GPC5: variants seen among roughly 807,000 people sequenced by gnomAD.
The protein encoded by GPC5 is glypican-5.
A neutral mutation model predicts 53.9 loss-of-function variants in GPC5; 47 were observed. That is an observed-to-expected ratio of 0.87 (90% CI 0.69 to 1.11). The LOEUF (loss-of-function observed/expected upper bound fraction) is 1.11, where lower values mean the gene tolerates loss of function less well. GPC5 is among the 50% of genes most tolerant of loss of function. The pLI, the probability that GPC5 is intolerant of heterozygous loss-of-function variation, is 0.00. For missense variants in GPC5, 748 were observed against 713.1 expected (o/e 1.05, Z -0.56); for synonymous variants, 286 against 263.3 (o/e 1.09, Z -0.84).
At chr13:91,728,494 C>T (rs201216345) in intron 3 of GPC5, 38 bp from the exon 4 acceptor site, 170 of 1,588,814 alleles carry the variant, frequency 1.1e-4, no homozygotes, top group Middle Eastern at 1.7e-4. Context: ...AGGTGGAGTA[C>T]GATTTCTAAC....
intron 2 of GPC5, among the ~76,000 whole-genome samples, chr13:91,584,124 T>G (rs2032472701): frequency 1.3e-5 from 2 of 152,178 alleles, no homozygotes. Flanking sequence ...GATGGCCATC[T>G]GCAAGCGAAA....
intron 7 of GPC5, among the ~76,000 whole-genome samples, chr13:92,337,144 C>T (rs1449382976): frequency 6.7e-6 from 1 of 150,040 alleles, no homozygotes; most frequent in Non-Finnish European, 1.5e-5. Context: ...CTCTAGTGAA[C>T]AAATGTAATT....
At chr13:92,777,335 C>CAAAAAA (rs71202561) in intron 7 of GPC5, among the ~76,000 whole-genome samples, 2 of 63,456 alleles carry the variant, frequency 3.2e-5, no homozygotes, top group Admixed American at 1.7e-4. Context: ...GACTCCATCT[C>CAAAAAA]AAAAAAAAAA....
intron 6 of GPC5, among the ~76,000 whole-genome samples, chr13:92,008,300 G>T (rs1157822830): frequency 1.3e-5 from 2 of 152,044 alleles, no homozygotes; most frequent in African/African-American, 4.8e-5. Flanking sequence ...CTGACCTCGT[G>T]ATCCGCCCGC....
intron 7 of GPC5, among the ~76,000 whole-genome samples, chr13:92,558,066 A>G (rs1594303186): frequency 6.6e-6 from 1 of 152,042 alleles, no homozygotes; most frequent in African/African-American, 2.4e-5. Flanking sequence ...AGATTTATTT[A>G]CATCATCAAT....
At position 92,592,940 on chromosome 13, in the gene GPC5, C is replaced by T. The variant is rs186513356; in HGVS notation, c.1562-273342C>T. 6.4e-4 allele frequency among the ~76,000 whole-genome samples: 97 copies of T among 150,990 alleles called. 2 individuals carry two copies. The highest frequency in any genetic ancestry group is 1.2e-3 in the Non-Finnish European group (84 of 67,528). Reference sequence around the variant, plus strand: ...ATTTCAGACTTCCCCCAAGGAAAGGCGTTGAGATACTTTCACTACAGCAGG... The same window carrying T: ...ATTTCAGACTTCCCCCAAGGAAAGGTGTTGAGATACTTTCACTACAGCAGG... On this transcript the variant is annotated intron_variant, in intron 7 of 7. Coordinates refer to ENST00000377067, the MANE Select transcript of GPC5 (RefSeq NM_004466.6).
chr13:92,196,986 C>T (rs1220694012), intron 7 of GPC5, among the ~76,000 whole-genome samples: 2 of 152,100 alleles, frequency 1.3e-5, no homozygotes, highest in Admixed American at 1.3e-4. Flanking sequence ...GAAAACGGTA[C>T]ACTGGAAACA....
intron 7 of GPC5, among the ~76,000 whole-genome samples, chr13:92,669,640 A>G (rs1886682651): frequency 6.6e-6 from 1 of 152,008 alleles, no homozygotes; most frequent in Non-Finnish European, 1.5e-5. Flanking sequence ...CAGCAGTTGA[A>G]TCCATTTCCT....
intron 5 of GPC5, among the ~76,000 whole-genome samples, chr13:91,805,861 C>T (rs2138789389): frequency 6.6e-6 from 1 of 152,036 alleles, no homozygotes; most frequent in East Asian, 1.9e-4. Flanking sequence ...ATATAAAGTA[C>T]CAGAGTTTTG....
At chr13:92,385,451 TACATATATAC>T (rs1566567555) in intron 7 of GPC5, among the ~76,000 whole-genome samples, 8 of 128,260 alleles carry the variant, frequency 6.2e-5, no homozygotes, top group South Asian at 2.4e-4. Context: ...TATACATATA[TACATATATAC>T]ACATATATAC....
intron 1 of GPC5, among the ~76,000 whole-genome samples, chr13:91,414,454 A>T (rs1005732997): frequency 2.0e-5 from 3 of 152,198 alleles, no homozygotes; most frequent in African/African-American, 7.2e-5. Context: ...AGCAGTATGA[A>T]AATTGACTAA....
chr13:92,159,593 CTTTTTTTTT>C (rs71120074), intron 7 of GPC5, among the ~76,000 whole-genome samples: 6 of 57,218 alleles, frequency 1.0e-4, no homozygotes, highest in African/African-American at 3.2e-4. Context: ...TACCAATGTT[CTTTTTTTTT>C]TTTTTTTTTT....
In GPC5 at chr13:92,113,826, C is replaced by CA. The variant is rs199588365; in HGVS notation, c.1402-30996dup. 7.7e-3 allele frequency among the ~76,000 whole-genome samples: 1,109 copies of CA among 143,510 alleles called. 16 individuals carry two copies. The highest frequency in any genetic ancestry group is 0.024 in the African/African-American group (927 of 38,482). 94.1% of individuals were successfully genotyped at this position (143,510 alleles called of 152,430 possible). On this transcript the variant is annotated intron_variant, in intron 6 of 7. Coordinates refer to ENST00000377067, the MANE Select transcript of GPC5 (RefSeq NM_004466.6). ...TTAAATAAGTATAAAGAAGAATTAA[C>CA]AAAAAAAACAAAAAAAAGCCACTTG...
At chr13:91,670,329 A>G (rs996727250) in intron 2 of GPC5, among the ~76,000 whole-genome samples, 2 of 152,192 alleles carry the variant, frequency 1.3e-5, no homozygotes, top group East Asian at 3.8e-4. Flanking sequence ...TTCAGTGTTG[A>G]GTCTACTGCG....
chr13:91,429,813 T>A (rs1186434489), intron 1 of GPC5, among the ~76,000 whole-genome samples: 3 of 152,218 alleles, frequency 2.0e-5, no homozygotes, highest in Non-Finnish European at 4.4e-5. Context: ...TTTATTTTCA[T>A]CGAAGCAGTT....
chr13:91,543,420 C>A (rs1015726599), intron 2 of GPC5, among the ~76,000 whole-genome samples: 5 of 152,082 alleles, frequency 3.3e-5, no homozygotes, highest in African/African-American at 7.2e-5. Context: ...TTTTACATGT[C>A]TTTTAAGCTA....
intron 1 of GPC5, among the ~76,000 whole-genome samples, chr13:91,427,101 C>T (rs1879109272): frequency 6.6e-6 from 1 of 152,182 alleles, no homozygotes; most frequent in Non-Finnish European, 1.5e-5. Flanking sequence ...AAATGGAGCC[C>T]TCGTGGAGAA....
chr13:91,709,336 C>A (rs912639586), intron 3 of GPC5, among the ~76,000 whole-genome samples: 7 of 152,156 alleles, frequency 4.6e-5, no homozygotes, highest in Non-Finnish European at 1.0e-4. Context: ...TTTATACTGA[C>A]CTTTAGTACT....
intron 7 of GPC5, among the ~76,000 whole-genome samples, chr13:92,829,041 C>T (rs9523812): frequency 0.2 from 30,130 of 152,058 alleles, 3,683 homozygotes; most frequent in Non-Finnish European, 0.28. Context: ...TGCACCCTCC[C>T]GAGACGTTTA....
Sources: gnomAD v4.1 joint callset for allele counts (sites outside exome capture counted in the v4.1 genomes callset) on GRCh38, gnomAD v4.1.1 for gene constraint, MANE v1.5 for transcripts, NCBI Gene and HGNC (gene_info 2026-07-23, HGNC 2026-07-21) for gene names.